Variants in POT1 observed in about 807,000 individuals in gnomAD.
The protein encoded by POT1 is protection of telomeres protein 1.
POT1 carries 47 observed loss-of-function variants against 78.5 expected under a neutral mutation model. The ratio of observed to expected loss-of-function variants is 0.60; its 90% CI spans 0.47 to 0.76. The LOEUF (loss-of-function observed/expected upper bound fraction) is 0.76. Ranked by LOEUF, POT1 falls within the 30% of genes least tolerant of loss-of-function variation. POT1 has a pLI of 0.00. For missense variants in POT1, 646 were observed against 749.9 expected (o/e 0.86, Z 1.62); for synonymous variants, 259 against 260.7 (o/e 0.99, Z 0.06).
intron 3 of POT1, among the ~76,000 whole-genome samples, 191 bp downstream of exon 3, chr7:124,915,383 T>C (rs1374277969): frequency 3.3e-5 from 5 of 152,104 alleles, no homozygotes; most frequent in South Asian, 2.1e-4. Context: ...AAAAGCCAAG[T>C]TTTAAGACAG....
intron 6 of POT1, among the ~76,000 whole-genome samples, chr7:124,879,582 G>T (rs1437011515): frequency 1.3e-5 from 2 of 152,064 alleles, no homozygotes; most frequent in Admixed American, 6.5e-5. Flanking sequence ...ACGACATGCT[G>T]ACTCTAAAGT....
chr7:124,827,636 T>TA (rs1462891667), intron 16 of POT1, among the ~76,000 whole-genome samples: 1 of 152,188 alleles, frequency 6.6e-6, no homozygotes, highest in Non-Finnish European at 1.5e-5. Context: ...AACCTATAAT[T>TA]AAGCTCATTT....
chr7:124,902,897 T>G (rs1244411299), intron 3 of POT1, among the ~76,000 whole-genome samples: 1 of 151,906 alleles, frequency 6.6e-6, no homozygotes, highest in East Asian at 1.9e-4. Context: ...AAAACAGACT[T>G]TAAACCAACA....
intron 3 of POT1, among the ~76,000 whole-genome samples, chr7:124,908,818 T>G (rs564390795): frequency 6.6e-6 from 1 of 151,918 alleles, no homozygotes; most frequent in Non-Finnish European, 1.5e-5. Flanking sequence ...CATACATATA[T>G]AGATAGTATA....
chr7:124,870,145 T>C (rs1795832675), intron 7 of POT1, among the ~76,000 whole-genome samples: 1 of 151,998 alleles, frequency 6.6e-6, no homozygotes, highest in East Asian at 1.9e-4. Flanking sequence ...ATATTTAAAA[T>C]CTAAGGGACT....
intron 9 of POT1, among the ~76,000 whole-genome samples, chr7:124,856,207 C>T (rs546348040): frequency 1.3e-3 from 201 of 152,194 alleles, no homozygotes; most frequent in Non-Finnish European, 2.2e-3. Flanking sequence ...TAATTTTAAA[C>T]AGTTGTCTTG....
intron 12 of POT1, 139 bp from the exon 13 acceptor site, chr7:124,843,102 C>T: frequency 1.7e-6 from 1 of 603,488 alleles, no homozygotes; most frequent in Non-Finnish European, 2.6e-6. Context: ...AGGGTTATGT[C>T]TTTATTCCCT....
At chr7:124,915,982 T>C (rs958723331) in intron 2 of POT1, among the ~76,000 whole-genome samples, 1 of 152,144 alleles carries the variant, frequency 6.6e-6, no homozygotes, top group Non-Finnish European at 1.5e-5. Flanking sequence ...TAAAATGATG[T>C]TTGCTCCTAG....
At chr7:124,905,142 T>C (rs982214393) in intron 3 of POT1, among the ~76,000 whole-genome samples, 2 of 152,060 alleles carry the variant, frequency 1.3e-5, no homozygotes, top group Admixed American at 6.6e-5. Flanking sequence ...TGGAAGTTCA[T>C]ATGGAACCAA....
At chr7:124,838,172 T>C (rs763219796) in intron 14 of POT1, among the ~76,000 whole-genome samples, 2 of 152,114 alleles carry the variant, frequency 1.3e-5, no homozygotes, top group Non-Finnish European at 2.9e-5. Context: ...CTATTCAATA[T>C]TGTACTGGAA....
intron 2 of POT1, among the ~76,000 whole-genome samples, chr7:124,918,762 C>T (rs188700181): frequency 2.2e-4 from 34 of 152,140 alleles, no homozygotes; most frequent in Admixed American, 1.3e-3. Context: ...TTCCAAATGA[C>T]GTATTTACAT....
At chr7:124,903,860 C>A (rs1353651781) in intron 3 of POT1, among the ~76,000 whole-genome samples, 1 of 152,142 alleles carries the variant, frequency 6.6e-6, no homozygotes, top group African/African-American at 2.4e-5. Context: ...CACAGAAATA[C>A]AAACTGCCAT....
At chr7:124,841,234 T>C (rs1422509336) in intron 13 of POT1, 56 bp from the exon 14 acceptor site, 3 of 1,359,266 alleles carry the variant, frequency 2.2e-6, no homozygotes, top group Non-Finnish European at 3.1e-6. Context: ...GCGTGAAGAT[T>C]TCCATTTAAC....
At chr7:124,859,916 T>C (rs994916603) in intron 8 of POT1, among the ~76,000 whole-genome samples, 16 of 151,910 alleles carry the variant, frequency 1.1e-4, no homozygotes, top group African/African-American at 3.6e-4. Context: ...TATTAAATTA[T>C]ATTTAATGCA....
At chr7:124,827,335 T>C (rs1372533397) in intron 16 of POT1, 30 bp from the exon 17 acceptor site, 2 of 1,297,148 alleles carry the variant, frequency 1.5e-6, no homozygotes, top group Admixed American at 1.9e-5. Context: ...TCAAACCATA[T>C]GAGTCTGCTA....
intron 2 of POT1, among the ~76,000 whole-genome samples, chr7:124,917,144 T>A (rs1317498648): frequency 6.6e-6 from 1 of 151,878 alleles, no homozygotes; most frequent in African/African-American, 2.4e-5. Flanking sequence ...AAGGCCCCAC[T>A]CACAAGACCC....
intron 3 of POT1, among the ~76,000 whole-genome samples, chr7:124,904,956 A>G (rs900954227): frequency 1.3e-5 from 2 of 152,222 alleles, no homozygotes; most frequent in Non-Finnish European, 2.9e-5. Context: ...GGACCTCTTC[A>G]AGGAGAACTA....
At position 124,822,654 on chromosome 7, in the gene POT1, A is replaced by T; in HGVS notation, c.*1308T>A. 1 of 384,380 alleles carries T rather than the reference A, an allele frequency of 2.6e-6. No individual in the cohort carries two copies. The highest frequency in any genetic ancestry group is 5.5e-6 in the Non-Finnish European group (1 of 181,544). 23.8% of individuals were successfully genotyped at this position (384,380 alleles called of 1,614,324 possible). A position where few individuals can be genotyped will look rare whatever the true frequency, so the allele number is the denominator to read the frequency against. On this transcript the variant is annotated 3_prime_UTR_variant, in exon 19 of 19. Coordinates refer to ENST00000357628, the MANE Select transcript of POT1 (RefSeq NM_015450.3). ...TAGGGTTTTAAAATATTTTTCCTGA[A>T]AATGTTTTGAACCAAGAGTCTATAT...
At chr7:124,834,035 T>G (rs1269082396) in intron 15 of POT1, among the ~76,000 whole-genome samples, 2 of 152,130 alleles carry the variant, frequency 1.3e-5, no homozygotes, top group African/African-American at 4.8e-5. Flanking sequence ...TAATAAATGT[T>G]GGGAAAACTG....
Sources: gnomAD v4.1 joint callset for allele counts (sites outside exome capture counted in the v4.1 genomes callset) on GRCh38, gnomAD v4.1.1 for gene constraint, MANE v1.5 for transcripts, NCBI Gene and HGNC (gene_info 2026-07-23, HGNC 2026-07-21) for gene names.